The following UNC5C variants were observed in gnomAD, a reference collection of about 807,000 sequenced individuals.
UNC5C encodes unc-5 netrin receptor C.
Under a neutral mutation model 99.8 loss-of-function variants are expected in UNC5C, and 47 were observed. The observed-to-expected ratio is 0.47, with a 90% CI of 0.37 to 0.60. The LOEUF (loss-of-function observed/expected upper bound fraction) is 0.60. Among genes scored for constraint, UNC5C ranks in the 20% least tolerant of loss-of-function variants. The pLI, the probability that UNC5C is intolerant of heterozygous loss-of-function variation, is 0.00. For synonymous variants in UNC5C, 487 were observed against 452.2 expected (o/e 1.08, Z -0.98); for missense variants, 1,062 against 1,165.9 (o/e 0.91, Z 1.30).
intron 12 of UNC5C, among the ~76,000 whole-genome samples, chr4:95,196,493 T>C (rs971382191): frequency 6.6e-6 from 1 of 151,906 alleles, no homozygotes; most frequent in Non-Finnish European, 1.5e-5. Context: ...GCCTTGACTT[T>C]TGCTCTGGTA....
intron 1 of UNC5C, among the ~76,000 whole-genome samples, chr4:95,417,217 G>A (rs1450805605): frequency 1.3e-5 from 2 of 152,138 alleles, no homozygotes; most frequent in African/African-American, 4.8e-5. Context: ...AGCTTCAATG[G>A]CACACCGGAA....
At chr4:95,171,214 A>AT (rs33993748) in intron 14 of UNC5C, among the ~76,000 whole-genome samples, 79 of 148,844 alleles carry the variant, frequency 5.3e-4, no homozygotes, top group Non-Finnish European at 6.7e-4. Context: ...ATCTCTCTCT[A>AT]TTTTTTTTTT....
chr4:95,284,766 A>G (rs1053791601), intron 3 of UNC5C, among the ~76,000 whole-genome samples: 1 of 152,202 alleles, frequency 6.6e-6, no homozygotes, highest in Non-Finnish European at 1.5e-5. Context: ...TGGGACAGAG[A>G]GGATAGGGGA....
chr4:95,386,257 G>T (rs1745208713), intron 1 of UNC5C, among the ~76,000 whole-genome samples: 1 of 151,496 alleles, frequency 6.6e-6, no homozygotes, highest in Non-Finnish European at 1.5e-5. Flanking sequence ...TAGGGTACAT[G>T]TGCACATTGT....
intron 4 of UNC5C, among the ~76,000 whole-genome samples, chr4:95,256,901 A>T (rs1275996157): frequency 6.6e-6 from 1 of 151,762 alleles, no homozygotes; most frequent in African/African-American, 2.4e-5. Context: ...AGAAAGATGT[A>T]GGCTGGGAGG....
chr4:95,488,823 A>G (rs1452894559), intron 1 of UNC5C, among the ~76,000 whole-genome samples: 1 of 151,784 alleles, frequency 6.6e-6, no homozygotes, highest in Non-Finnish European at 1.5e-5. Context: ...AGATAACTTT[A>G]GATAAAAATA....
At chr4:95,495,211 C>G (rs7654280) in intron 1 of UNC5C, among the ~76,000 whole-genome samples, 110,959 of 151,228 alleles carry the variant, frequency 0.73, 42,053 homozygotes, top group South Asian at 0.86. Context: ...TAACTGAAAA[C>G]AAGATTCTAA....
chr4:95,387,319 T>C (rs189581391), intron 1 of UNC5C, among the ~76,000 whole-genome samples: 2 of 152,212 alleles, frequency 1.3e-5, no homozygotes, highest in African/African-American at 2.4e-5. Context: ...TAATTGGTTT[T>C]GTAGAGATGG....
Position 95,219,317 on chromosome 4 carries a change from A to T in UNC5C, c.1301-4T>A, listed in dbSNP as rs778816020. The T allele has an allele frequency of 1.9e-6, 3 of 1,609,704 alleles. No homozygotes were observed. Among genetic ancestry groups the T allele is most frequent in the Non-Finnish European group, 2.5e-6 (3 of 1,177,308 alleles). On this transcript the variant is annotated splice_region_variant and splice_polypyrimidine_tract_variant and intron_variant, in intron 8 of 15. Coordinates refer to ENST00000453304, the MANE Select transcript of UNC5C (RefSeq NM_003728.4). The stretch of plus-strand genomic sequence containing the variant: ...TCTGGGGGTACAGCCAGCAGATCTG[A>T]GTCAGAAAGAGAAAATAATCCCATT...
chr4:95,316,977 G>A (rs1256949834), intron 2 of UNC5C, among the ~76,000 whole-genome samples: 165 of 145,068 alleles, frequency 1.1e-3, no homozygotes, highest in African/African-American at 1.4e-3. Flanking sequence ...TCACTGCTCA[G>A]AAAAAAAAAG....
intron 1 of UNC5C, among the ~76,000 whole-genome samples, chr4:95,455,247 G>T (rs1337854690): frequency 6.6e-6 from 1 of 152,064 alleles, no homozygotes; most frequent in East Asian, 1.9e-4. Flanking sequence ...ATAAACTTCA[G>T]GAATTCTTTC....
chr4:95,503,728 G>T (rs190433083), intron 1 of UNC5C, among the ~76,000 whole-genome samples: 3 of 152,026 alleles, frequency 2.0e-5, no homozygotes, highest in African/African-American at 7.2e-5. Context: ...TTTACTTGAA[G>T]AATATTCAAA....
intron 1 of UNC5C, among the ~76,000 whole-genome samples, chr4:95,533,166 G>A (rs1298186298): frequency 6.6e-6 from 1 of 152,080 alleles, no homozygotes; most frequent in East Asian, 1.9e-4. Flanking sequence ...GGGAGACCAA[G>A]GTGGGTGGAT....
At chr4:95,291,229 TTA>T (rs1430143752) in intron 3 of UNC5C, among the ~76,000 whole-genome samples, 6 of 152,260 alleles carry the variant, frequency 3.9e-5, no homozygotes, top group African/African-American at 1.2e-4. Flanking sequence ...AAAAAAATGA[TTA>T]TATGTCATCA....
chr4:95,219,975 G>A lies in UNC5C; in HGVS notation c.1300+10C>T. ...TAAGTAACAGGGTGTGAAGTGGAAT[G>A]TCAACTGACCTTGTCTTGCTGCCTT... On this transcript the variant is annotated intron_variant, in intron 8 of 15. Transcript: ENST00000453304. 6.2e-7 allele frequency: 1 copy of A among 1,611,256 alleles called. No homozygotes were observed.
intron 1 of UNC5C, among the ~76,000 whole-genome samples, chr4:95,371,693 A>G (rs1442848224): frequency 2.6e-5 from 4 of 152,194 alleles, no homozygotes; most frequent in Non-Finnish European, 5.9e-5. Flanking sequence ...AAAGCACTGG[A>G]AACACCAGGG....
chr4:95,292,365 G>A (rs1301830624), intron 3 of UNC5C, among the ~76,000 whole-genome samples: 1 of 150,942 alleles, frequency 6.6e-6, no homozygotes, highest in African/African-American at 2.4e-5. Context: ...TGCCTCCCAG[G>A]TTCACGCCAT....
intron 7 of UNC5C, among the ~76,000 whole-genome samples, chr4:95,227,610 A>G (rs1323544004): frequency 1.3e-5 from 2 of 152,240 alleles, no homozygotes; most frequent in Non-Finnish European, 2.9e-5. Flanking sequence ...TAAACAGTCC[A>G]TGCAATGCTC....
intron 9 of UNC5C, among the ~76,000 whole-genome samples, chr4:95,218,200 A>C (rs1263930325): frequency 6.6e-6 from 1 of 152,222 alleles, no homozygotes; most frequent in Non-Finnish European, 1.5e-5. Flanking sequence ...AGAATTAGAT[A>C]GATTTAGAGA....
Sources: allele counts gnomAD v4.1 joint callset (sites outside exome capture counted in the v4.1 genomes callset), GRCh38; gene constraint gnomAD v4.1.1; transcripts MANE v1.5; gene names NCBI Gene and HGNC (gene_info 2026-07-23, HGNC 2026-07-21).